NCOA2: variants seen among roughly 807,000 people sequenced by gnomAD.
NCOA2 encodes the protein class E basic helix-loop-helix protein 75.
In NCOA2, 21 loss-of-function variants were observed where a neutral mutation model predicts 145.1. That is an observed-to-expected ratio of 0.14 (90% CI 0.10 to 0.21). The LOEUF (loss-of-function observed/expected upper bound fraction) is 0.21, where lower values mean the gene tolerates loss of function less well. Among genes scored for constraint, NCOA2 ranks in the 10% least tolerant of loss-of-function variants. The probability of loss-of-function intolerance (pLI) is 1.00; values close to 1 mark genes in which losing one functional copy is unlikely to be tolerated. For missense variants in NCOA2, 1,472 were observed against 1,837.6 expected (o/e 0.80, Z 3.64); for synonymous variants, 619 against 637.5 (o/e 0.97, Z 0.44).
the NCOA2 span, among the ~76,000 whole-genome samples, chr8:70,435,405 A>G: frequency 7.2e-6 from 1 of 138,476 alleles, no homozygotes; most frequent in Middle Eastern, 3.5e-3. Context: ...AGCTTGGGCG[A>G]AAGAGTGAGA....
chr8:70,403,016 A>C (rs1586698930), intron 1 of NCOA2, among the ~76,000 whole-genome samples: 1 of 97,428 alleles, frequency 1.0e-5, no homozygotes, highest in Non-Finnish European at 2.1e-5. Context: ...GGCCCGGGCC[A>C]CCCGCCGGGC....
the NCOA2 span, among the ~76,000 whole-genome samples, chr8:70,428,356 A>G: frequency 6.6e-6 from 1 of 152,048 alleles, no homozygotes; most frequent in Non-Finnish European, 1.5e-5. Context: ...GCTACTCCAG[A>G]GGCTGAGGCG....
At chr8:70,137,917 G>A in intron 15 of NCOA2, 2 of 238,072 alleles carry the variant, frequency 8.4e-6, no homozygotes, top group Non-Finnish European at 1.6e-5. Context: ...AAGCATCCTG[G>A]TTGGATGATC....
intron 2 of NCOA2, among the ~76,000 whole-genome samples, chr8:70,291,146 C>A (rs542018226): frequency 6.6e-6 from 1 of 152,160 alleles, no homozygotes; most frequent in African/African-American, 2.4e-5. Context: ...GGACCAACAA[C>A]AAAAACAACA....
In NCOA2 at chr8:70,144,836, G is replaced by A; in HGVS notation, c.2618C>T (p.Pro873Leu). 6.2e-7 allele frequency: 1 copy of A among 1,613,758 alleles called. No homozygotes were observed. Among genetic ancestry groups the A allele is most frequent in the South Asian group, 1.1e-5 (1 of 91,072 alleles). ...TAACCTGCCCAGTTGCCCTGGTCGT[G>A]GGTTATTAAAAGCTAAGGAGAAAAC... ...LRISQSTFNN[P>L]RPGQLGRLLP... Residue 873 changes from proline to leucine, a missense_variant, in exon 13 of 23, where the codon CCA (proline) becomes CTA (leucine). Coordinates refer to ENST00000452400, the MANE Select transcript of NCOA2 (RefSeq NM_006540.4).
At chr8:70,259,479 G>T (rs1467161575) in intron 2 of NCOA2, among the ~76,000 whole-genome samples, 1 of 151,954 alleles carries the variant, frequency 6.6e-6, no homozygotes. Flanking sequence ...TAAATTTGAT[G>T]GTAGTCACAA....
At chr8:70,301,983 A>G (rs1371830859) in intron 1 of NCOA2, among the ~76,000 whole-genome samples, 1 of 152,162 alleles carries the variant, frequency 6.6e-6, no homozygotes, top group African/African-American at 2.4e-5. Flanking sequence ...GTACACTCAT[A>G]ATATATGATT....
chr8:70,433,397 A>C, the NCOA2 span, among the ~76,000 whole-genome samples: 1 of 152,174 alleles, frequency 6.6e-6, no homozygotes, highest in East Asian at 1.9e-4. Context: ...TCAGGCAACA[A>C]ATACAGGACA....
intron 2 of NCOA2, among the ~76,000 whole-genome samples, chr8:70,265,671 A>C (rs1394340029): frequency 6.6e-6 from 1 of 152,192 alleles, no homozygotes; most frequent in Non-Finnish European, 1.5e-5. Context: ...TGTCAGAGAC[A>C]CTCAGTCCAT....
chr8:70,329,205 C>T (rs1054349410), intron 1 of NCOA2, among the ~76,000 whole-genome samples: 1 of 152,080 alleles, frequency 6.6e-6, no homozygotes, highest in Non-Finnish European at 1.5e-5. Flanking sequence ...ACCGTAGCCC[C>T]CAATGTGTTC....
At chr8:70,176,480 T>A (rs1406406852) in intron 4 of NCOA2, among the ~76,000 whole-genome samples, 2 of 152,146 alleles carry the variant, frequency 1.3e-5, no homozygotes. Flanking sequence ...CTTGGTCTCA[T>A]TCCAATTCCT....
At chr8:70,178,746 T>C (rs1274863155) in intron 4 of NCOA2, among the ~76,000 whole-genome samples, 1 of 152,214 alleles carries the variant, frequency 6.6e-6, no homozygotes, top group Non-Finnish European at 1.5e-5. Flanking sequence ...GTATTTCACA[T>C]TTGTTGTAAC....
chr8:70,212,164 T>C (rs944527590), intron 4 of NCOA2, among the ~76,000 whole-genome samples: 1 of 151,714 alleles, frequency 6.6e-6, no homozygotes, highest in Non-Finnish European at 1.5e-5. Flanking sequence ...TCATTCATAA[T>C]CCTTAGAAAC....
chr8:70,372,457 C>T (rs1036584127), intron 1 of NCOA2, among the ~76,000 whole-genome samples: 24 of 152,146 alleles, frequency 1.6e-4, no homozygotes, highest in African/African-American at 5.6e-4. Context: ...TACAAACCAA[C>T]CCCACCAACC....
At chr8:70,192,300 T>C (rs1402633237) in intron 4 of NCOA2, among the ~76,000 whole-genome samples, 2 of 152,100 alleles carry the variant, frequency 1.3e-5, no homozygotes, top group African/African-American at 4.8e-5. Flanking sequence ...AAAACCTGAA[T>C]TTTGTGCTAC....
chr8:70,414,502 G>A, the NCOA2 span, among the ~76,000 whole-genome samples: 1 of 152,026 alleles, frequency 6.6e-6, no homozygotes, highest in African/African-American at 2.4e-5. Flanking sequence ...AGTATTCCCC[G>A]ACAGAGCAAC....
intron 4 of NCOA2, among the ~76,000 whole-genome samples, chr8:70,175,223 T>C (rs879802298): frequency 2.6e-5 from 4 of 152,242 alleles, no homozygotes; most frequent in Admixed American, 2.6e-4. Flanking sequence ...AAGGAAGGTC[T>C]GTTGTTCAGA....
In NCOA2 at chr8:70,272,699, T is replaced by C. The variant is rs118168899; in HGVS notation, c.-20+24045A>G. 1.6e-3 allele frequency among the ~76,000 whole-genome samples: 251 copies of C among 152,250 alleles called. 9 individuals carry two copies. The East Asian group carries it at 0.041, about 25-fold the overall frequency. On this transcript the variant is annotated intron_variant, in intron 2 of 22. Coordinates refer to ENST00000452400, the MANE Select transcript of NCOA2 (RefSeq NM_006540.4). ...TAGGGCATCACTAGAAACCATAATA[T>C]AGTTTCTATTCTTTATTTGATACAA... is the stretch of plus-strand genomic sequence containing the variant.
At chr8:70,147,142 G>A (rs1486116937) in intron 12 of NCOA2, among the ~76,000 whole-genome samples, 1 of 151,892 alleles carries the variant, frequency 6.6e-6, no homozygotes, top group Non-Finnish European at 1.5e-5. Flanking sequence ...GTGTGTGTGT[G>A]TGTGTTCTGA....
Sources: gnomAD v4.1 joint callset for allele counts (sites outside exome capture counted in the v4.1 genomes callset) on GRCh38, gnomAD v4.1.1 for gene constraint, MANE v1.5 for transcripts, NCBI Gene and HGNC (gene_info 2026-07-23, HGNC 2026-07-21) for gene names.